The following KCTD15 variants were observed in gnomAD, a reference collection of about 807,000 sequenced individuals.
The protein encoded by KCTD15 is potassium channel tetramerization domain containing 15, also known as BTB/POZ domain-containing protein KCTD15.
KCTD15 carries 11 observed loss-of-function variants against 27.2 expected under a neutral mutation model. The observed-to-expected ratio is 0.41, with a 90% CI of 0.25 to 0.67. The LOEUF (loss-of-function observed/expected upper bound fraction) is 0.67, where lower values mean the gene tolerates loss of function less well. Ranked by LOEUF, KCTD15 falls within the 30% of genes least tolerant of loss-of-function variation. KCTD15 has a pLI of 0.35. For synonymous variants in KCTD15, 163 were observed against 176.0 expected (o/e 0.93, Z 0.58); for missense variants, 350 against 409.3 (o/e 0.86, Z 1.25).
At chr19:33,806,365 C>T (rs1006540119) in intron 4 of KCTD15, among the ~76,000 whole-genome samples, 1 of 152,178 alleles carries the variant, frequency 6.6e-6, no homozygotes, top group South Asian at 2.1e-4. Flanking sequence ...TTGCACAGGC[C>T]TGTGTGTCTC....
chr19:33,806,258 G>T (rs531048322), intron 4 of KCTD15, among the ~76,000 whole-genome samples: 2 of 152,348 alleles, frequency 1.3e-5, no homozygotes, highest in African/African-American at 4.8e-5. Context: ...GTCTCTGGGT[G>T]CCTGGTGTTG....
intron 6 of KCTD15, chr19:33,811,768 C>CTTT: frequency 2.0e-5 from 29 of 1,430,400 alleles, no homozygotes; most frequent in Middle Eastern, 3.9e-4. Flanking sequence ...TCGATCTGTA[C>CTTT]TTTTTTTTTT....
intron 6 of KCTD15, 88 bp downstream of exon 6, chr19:33,811,640 T>A: frequency 6.5e-7 from 1 of 1,527,826 alleles, no homozygotes; most frequent in Admixed American, 1.9e-5. Flanking sequence ...GGAGGCGCGA[T>A]CCCTGAAACG....
chr19:33,798,089 A>AGG (rs1028526207), intron 1 of KCTD15, among the ~76,000 whole-genome samples: 3 of 146,694 alleles, frequency 2.0e-5, no homozygotes, highest in African/African-American at 7.6e-5. Flanking sequence ...CGGAGGCGGG[A>AGG]GGGGGGGGGT....
chr19:33,811,273 G>C lies in KCTD15; in HGVS notation c.414G>C (p.Ala138=), dbSNP rs771494583. 2.7e-5 allele frequency: 42 copies of C among 1,533,126 alleles called. No individual in the cohort carries two copies. The highest frequency in any genetic ancestry group is 3.3e-5 in the Non-Finnish European group (38 of 1,139,474). The allele number at this position is 1,533,126 out of a possible 1,614,324, so 95.0% of individuals were successfully genotyped here. Residue 138 remains alanine, a synonymous_variant, in exon 6 of 7, where the codon GCG becomes GCC. Transcript: ENST00000683859. ...ACTTCAGTCTGCTGTACGAGGAGGC[G>C]CGCTACTATCAGCTCCAGCCCATGG... The part of the protein sequence containing the change: ...FKDFSLLYEE[A]RYYQLQPMVR...
intron 5 of KCTD15, among the ~76,000 whole-genome samples, chr19:33,810,646 CAGAG>C (rs1272676428): frequency 2.8e-5 from 4 of 143,140 alleles, no homozygotes; most frequent in South Asian, 2.2e-4. Context: ...GCCTGGGTGA[CAGAG>C]AGAGTCTGTC....
intron 5 of KCTD15, among the ~76,000 whole-genome samples, chr19:33,810,646 C>T (rs1568382353): frequency 7.0e-6 from 1 of 143,140 alleles, no homozygotes; most frequent in East Asian, 2.1e-4. Flanking sequence ...GCCTGGGTGA[C>T]AGAGAGAGTC....
upstream of KCTD15, among the ~76,000 whole-genome samples, chr19:33,794,145 C>T (rs547616219): frequency 1.3e-5 from 2 of 152,234 alleles, no homozygotes; most frequent in South Asian, 4.2e-4. Flanking sequence ...TCACCAGTAC[C>T]ATGGTGAGAT....
intron 4 of KCTD15, among the ~76,000 whole-genome samples, chr19:33,805,556 A>C (rs904731707): frequency 4.6e-5 from 7 of 152,178 alleles, no homozygotes; most frequent in African/African-American, 1.7e-4. Flanking sequence ...CTTAGGCTCC[A>C]GATTGTGTGC....
rs1481968446 is a variant in KCTD15, at chr19:33,813,452, C to G, written c.*504C>G. 2.2e-6 allele frequency: 1 copy of G among 454,038 alleles called. No individual in the cohort carries two copies. The highest frequency in any genetic ancestry group is 2.4e-5 in the Admixed American group (1 of 42,308). The allele number at this position is 454,038 out of a possible 1,614,324, so 28.1% of individuals were successfully genotyped here. ...CTTTATCTGGTGCTCAGTTCTCAGTCAGACGTGCAGCATGGCTGCAGGGTG... is the reference window on the plus strand; with the variant it reads ...CTTTATCTGGTGCTCAGTTCTCAGTGAGACGTGCAGCATGGCTGCAGGGTG... On this transcript the variant is annotated 3_prime_UTR_variant, in exon 7 of 7. Transcript: ENST00000683859.
At chr19:33,812,146 C>T (rs960877969) in intron 6 of KCTD15, 8 of 1,214,126 alleles carry the variant, frequency 6.6e-6, no homozygotes, top group Non-Finnish European at 7.2e-6. Flanking sequence ...TGCACGCATT[C>T]CACAGCCTGT....
At chr19:33,807,052 C>A in intron 5 of KCTD15, 45 bp downstream of exon 5, 1 of 1,596,416 alleles carries the variant, frequency 6.3e-7, no homozygotes, top group South Asian at 1.1e-5. Flanking sequence ...TGTGTGATGG[C>A]ATTACACAGG....
chr19:33,800,230 C>T (rs1402896693), intron 2 of KCTD15, among the ~76,000 whole-genome samples, 198 bp from the exon 3 acceptor site: 1 of 152,176 alleles, frequency 6.6e-6, no homozygotes, highest in Non-Finnish European at 1.5e-5. Context: ...TGTGTGTCAT[C>T]TGCTACAGCC....
chr19:33,800,399 T>G (rs562840207), intron 2 of KCTD15, 29 bp from the exon 3 acceptor site: 8 of 1,526,824 alleles, frequency 5.2e-6, no homozygotes, highest in Non-Finnish European at 5.4e-6. Context: ...GGAATAAGCC[T>G]TCTCTGGTTT....
chr19:33,798,498 G>C lies in KCTD15; in HGVS notation c.-126-170G>C, dbSNP rs921298563. 23 of 152,386 alleles carry C rather than the reference G, an allele frequency of 1.5e-4. 1 individual carries two copies. Among genetic ancestry groups the C allele is most frequent in the Admixed American group, 1.0e-3 (16 of 15,308 alleles). 9.4% of individuals were successfully genotyped at this position (152,386 alleles called of 1,614,324 possible). On this transcript the variant is annotated intron_variant, in intron 1 of 6. Coordinates refer to ENST00000683859, the MANE Select transcript of KCTD15 (RefSeq NM_001129994.2). ...TCTCCCGCCGCAGCTGGAGAAGCGGGTCACTACCGGGCCAGTTTGGAAACC... is the reference window on the plus strand; with the variant it reads ...TCTCCCGCCGCAGCTGGAGAAGCGGCTCACTACCGGGCCAGTTTGGAAACC...
chr19:33,811,618 AG>A, intron 6 of KCTD15, 66 bp downstream of exon 6: 1 of 1,546,752 alleles, frequency 6.5e-7, no homozygotes, highest in Non-Finnish European at 8.7e-7. Context: ...CCAGGGGCAG[AG>A]TGAGCTGGAG....
At chr19:33,794,866 A>C (rs1020367429), upstream of KCTD15, among the ~76,000 whole-genome samples, 29 of 151,860 alleles carry the variant, frequency 1.9e-4, no homozygotes, top group Admixed American at 3.9e-4. Context: ...AGCTGGGCTG[A>C]CCTCTCGGGC....
At chr19:33,795,648 A>G (rs929363927), upstream of KCTD15, among the ~76,000 whole-genome samples, 8 of 151,882 alleles carry the variant, frequency 5.3e-5, no homozygotes, top group African/African-American at 1.9e-4. Context: ...GCCGAGGAGG[A>G]GGAGGAGGCA....
At chr19:33,800,640 C>A in intron 3 of KCTD15, 120 bp downstream of exon 3, 1 of 865,088 alleles carries the variant, frequency 1.2e-6, no homozygotes, top group South Asian at 1.6e-5. Context: ...TGTTGACTGG[C>A]TGTAGGATTA....
Sources: gnomAD v4.1 joint callset for allele counts (sites outside exome capture counted in the v4.1 genomes callset) on GRCh38, gnomAD v4.1.1 for gene constraint, MANE v1.5 for transcripts, NCBI Gene and HGNC (gene_info 2026-07-23, HGNC 2026-07-21) for gene names.